GTPBP4: variants seen among roughly 807,000 people sequenced by gnomAD.
GTPBP4 encodes GTP-binding protein 4.
In GTPBP4, 15 loss-of-function variants were observed where a neutral mutation model predicts 81.7. That is an observed-to-expected ratio of 0.18 (90% CI 0.12 to 0.28). The LOEUF (loss-of-function observed/expected upper bound fraction) is 0.28. Among genes scored for constraint, GTPBP4 ranks in the 10% least tolerant of loss-of-function variants. The probability of loss-of-function intolerance (pLI) is 1.00; values close to 1 mark genes in which losing one functional copy is unlikely to be tolerated. For missense variants in GTPBP4, 847 were observed against 793.8 expected (o/e 1.07, Z -0.81); for synonymous variants, 272 against 274.6 (o/e 0.99, Z 0.09).
At chr10:1,013,974 C>T (rs1372522408) in intron 14 of GTPBP4, among the ~76,000 whole-genome samples, 3 of 152,144 alleles carry the variant, frequency 2.0e-5, no homozygotes, top group African/African-American at 4.8e-5. Flanking sequence ...CTGATGGAGA[C>T]GGTCACTCTC....
chr10:1,016,218 CAGG>C (rs35353617), intron 16 of GTPBP4, among the ~76,000 whole-genome samples: 75,892 of 151,800 alleles, frequency 0.5, 19,239 homozygotes, highest in South Asian at 0.6. Flanking sequence ...AGCTGAGCAC[CAGG>C]AGGCCTCAAG....
chr10:1,014,728 ATG>A (rs1831944755), intron 15 of GTPBP4, among the ~76,000 whole-genome samples: 1 of 152,142 alleles, frequency 6.6e-6, no homozygotes, highest in East Asian at 1.9e-4. Flanking sequence ...GCAAAAAGAA[ATG>A]AGAGCTTCCA....
chr10:989,871 G>A (rs1424032840), intron 1 of GTPBP4, among the ~76,000 whole-genome samples: 3 of 152,126 alleles, frequency 2.0e-5, no homozygotes, highest in Non-Finnish European at 4.4e-5. Flanking sequence ...CGAGTAGCTG[G>A]GACTACAGGC....
Position 1,013,425 on chromosome 10 carries a change from C to A in GTPBP4, c.1542+763C>A, listed in dbSNP as rs1831916902. Among the ~76,000 whole-genome samples the A allele has an allele frequency of 2.0e-5, 3 of 151,704 alleles. No individual in the cohort carries two copies. The South Asian group carries it at 6.2e-4, about 32-fold the overall frequency. On this transcript the variant is annotated intron_variant, in intron 14 of 16. Transcript: ENST00000360803. ...GAGATTGAGACCATCCTGGCTAAAA[C>A]AGTGAAACCCCGTCTCTACTAAAAA...
At chr10:1,012,370 AG>A in intron 13 of GTPBP4, 94 bp from the exon 14 acceptor site, 1 of 823,542 alleles carries the variant, frequency 1.2e-6, no homozygotes, top group Admixed American at 2.7e-5. Context: ...CCTCTGAGTC[AG>A]GGAAACAAAG....
At chr10:1,013,263 C>T (rs866953213) in intron 14 of GTPBP4, among the ~76,000 whole-genome samples, 5 of 151,468 alleles carry the variant, frequency 3.3e-5, no homozygotes, top group East Asian at 2.0e-4. Flanking sequence ...AGATTACAGG[C>T]GTGAGCCACC....
intron 13 of GTPBP4, 123 bp downstream of exon 13, chr10:1,010,643 G>A: frequency 1.4e-6 from 1 of 709,132 alleles, no homozygotes; most frequent in Non-Finnish European, 2.6e-6. Flanking sequence ...CCTCCATCCT[G>A]ACTCTGCCCC....
intron 2 of GTPBP4, among the ~76,000 whole-genome samples, chr10:994,997 A>G (rs1831513484): frequency 6.6e-6 from 1 of 152,154 alleles, no homozygotes; most frequent in Non-Finnish European, 1.5e-5. Flanking sequence ...TCAGGCCTGT[A>G]GTCAAAGAAG....
rs370212715 is a variant in GTPBP4, at chr10:996,032, A to C, written c.323A>C (p.Asn108Thr). Residue 108 changes from asparagine (N) to threonine (T), a missense_variant and splice_region_variant, in exon 3 of 17, where the codon AAT (asparagine) becomes ACT (threonine). Coordinates refer to ENST00000360803, the MANE Select transcript of GTPBP4 (RefSeq NM_012341.3). ...AATATTGCCAAAAATTTAGTGGACA[A>C]GTAAGGTACTTTTTTCTGTAGTGTC... Reference protein sequence around the residue: ...QINIAKNLVDNVAKDYVRLMK... With the variant: ...QINIAKNLVDTVAKDYVRLMK... 2 of 1,598,716 alleles carry C rather than the reference A, an allele frequency of 1.3e-6. No individual in the cohort carries two copies. The highest frequency in any genetic ancestry group is 1.7e-6 in the Non-Finnish European group (2 of 1,166,194).
intron 14 of GTPBP4, among the ~76,000 whole-genome samples, chr10:1,013,684 A>G (rs1016734143): frequency 1.3e-5 from 2 of 152,200 alleles, no homozygotes; most frequent in African/African-American, 4.8e-5. Flanking sequence ...TACAAAAGGC[A>G]ATTTATTGGC....
chr10:1,006,013 G>C lies in GTPBP4; in HGVS notation c.1002+106G>C, dbSNP rs1232901717. On this transcript the variant is annotated intron_variant, in intron 9 of 16. Coordinates refer to ENST00000360803, the MANE Select transcript of GTPBP4 (RefSeq NM_012341.3). Reference sequence around the variant, plus strand: ...TTCTTTCTAGACATTGTTAACACTTGGAGCCCTCGCAGTAGCGAGGCGGGT... The same window carrying C: ...TTCTTTCTAGACATTGTTAACACTTCGAGCCCTCGCAGTAGCGAGGCGGGT... 9 of 676,628 alleles carry C rather than the reference G, an allele frequency of 1.3e-5. No individual in the cohort carries two copies. The Admixed American group carries it at 2.5e-4, about 19-fold the overall frequency. 41.9% of individuals were successfully genotyped at this position (676,628 alleles called of 1,614,324 possible).
chr10:1,000,159 T>C (rs1240441990), intron 6 of GTPBP4, among the ~76,000 whole-genome samples: 3 of 151,590 alleles, frequency 2.0e-5, no homozygotes, highest in African/African-American at 7.3e-5. Context: ...GGGTTCCTCC[T>C]CCCTTTTTTG....
chr10:992,467 G>C, intron 1 of GTPBP4, 22 bp from the exon 2 acceptor site: 1 of 1,463,716 alleles, frequency 6.8e-7, no homozygotes, highest in Non-Finnish European at 9.5e-7. Flanking sequence ...ATGTAATTAT[G>C]TTTTATTTTC....
chr10:1,009,850 C>T (rs1032435302), intron 12 of GTPBP4, among the ~76,000 whole-genome samples: 5 of 152,148 alleles, frequency 3.3e-5, no homozygotes, highest in Non-Finnish European at 7.3e-5. Flanking sequence ...CAAAGATTAG[C>T]CGGGTGTGGT....
Position 1,019,563 on chromosome 10 carries a change from T to A in GTPBP4, c.*2336T>A. 6.2e-7 allele frequency: 1 copy of A among 1,613,940 alleles called. No homozygotes were observed. Among genetic ancestry groups the A allele is most frequent in the Non-Finnish European group, 8.5e-7 (1 of 1,179,958 alleles). ...AAGCTCCACAAACGGGGTCACGTCA[T>A]CCAGGTGAGGCCACCACCGGTACAG... On this transcript the variant is annotated 3_prime_UTR_variant, in exon 17 of 17. Transcript: ENST00000360803.
rs201832619 is a variant in GTPBP4, at chr10:1,015,759, T to A, written c.1615T>A (p.Tyr539Asn). The A allele has an allele frequency of 1.2e-6, 2 of 1,613,650 alleles. No homozygotes were observed. ...TGCTTCCCCTGCTTTGCAGGCCCATTACGCAGTCCAGGCAAGAAGATCCCG... is the reference window on the plus strand; with the variant it reads ...TGCTTCCCCTGCTTTGCAGGCCCATAACGCAGTCCAGGCAAGAAGATCCCG... ...VDMDDKDDAH[Y>N]AVQARRSRSI... Residue 539 changes from tyrosine (Y) to asparagine (N), a missense_variant, in exon 16 of 17, where the codon TAC becomes AAC. Coordinates refer to ENST00000360803, the MANE Select transcript of GTPBP4 (RefSeq NM_012341.3).
chr10:994,698 A>G (rs982306089), intron 2 of GTPBP4, among the ~76,000 whole-genome samples: 1 of 152,184 alleles, frequency 6.6e-6, no homozygotes, highest in Admixed American at 6.5e-5. Context: ...TTTCATCCTC[A>G]GTGTTATAGC....
Position 1,014,260 on chromosome 10 carries a change from T to C in GTPBP4, c.1556T>C (p.Val519Ala). Residue 519 changes from valine to alanine, a missense_variant, in exon 15 of 17, where the codon GTT becomes GCT. Val to Ala is a moderately conservative substitution (Grantham distance 64). This residue lies in a region of GTPBP4 where 600 missense variants were observed against 557.1 expected (regional missense o/e 1.08). Coordinates refer to ENST00000360803, the MANE Select transcript of GTPBP4 (RefSeq NM_012341.3). ...PRTAKKVQRT[V>A]LEKEMRSLGV... ...TATCCTTCTCAGGTTCAGAGGACAG[T>C]TTTGGAGAAGGAGATGCGTAGTCTT... 1.9e-6 allele frequency: 3 copies of C among 1,601,842 alleles called. No homozygotes were observed. The highest frequency in any genetic ancestry group is 2.6e-6 in the Non-Finnish European group (3 of 1,169,012).
In GTPBP4 at chr10:988,470, G is replaced by C. The variant is rs1032893930; in HGVS notation, c.-10G>C. The C allele has an allele frequency of 6.2e-7, 1 of 1,612,518 alleles. No individual in the cohort carries two copies. Among genetic ancestry groups the C allele is most frequent in the African/African-American group, 1.3e-5 (1 of 75,046 alleles). ...GAGTGCCAAGTACCCGCGTGCATAC[G>C]GCTGCCGGCATGGCACATTACAACT... On this transcript the variant is annotated 5_prime_UTR_variant, in exon 1 of 17. Coordinates refer to ENST00000360803, the MANE Select transcript of GTPBP4 (RefSeq NM_012341.3).
Sources: allele counts gnomAD v4.1 joint callset (sites outside exome capture counted in the v4.1 genomes callset), GRCh38; gene constraint gnomAD v4.1.1; regional missense constraint gnomAD v4.1.1; transcripts MANE v1.5; gene names NCBI Gene and HGNC (gene_info 2026-07-23, HGNC 2026-07-21).